The following AP4B1 variants were observed in gnomAD, a reference collection of about 807,000 sequenced individuals.
The protein encoded by AP4B1 is AP-4 complex subunit beta-1.
AP4B1 carries 49 observed loss-of-function variants against 76.5 expected under a neutral mutation model. The observed-to-expected ratio is 0.64, with a 90% CI of 0.51 to 0.81. AP4B1 has a LOEUF of 0.81. AP4B1 is among the 40% of genes least tolerant of loss of function. The pLI is 0.00. For synonymous variants in AP4B1, 330 were observed against 333.3 expected, an observed-to-expected ratio of 0.99 and a Z score of 0.11; for missense variants, 911 against 904.9, an observed-to-expected ratio of 1.01 and a Z score of -0.09.
At position 113,902,759 on chromosome 1, in the gene AP4B1, A is replaced by T. The variant is rs552888524; in HGVS notation, c.217T>A (p.Cys73Ser). 150 of 1,614,230 alleles carry T rather than the reference A, an allele frequency of 9.3e-5. No homozygotes were observed. In the Admixed American group the frequency reaches 2.4e-3, roughly 26 times the overall value. Residue 73 changes from cysteine to serine, a missense_variant, in exon 2 of 10, where the codon TGC becomes AGC. Transcript: ENST00000369569. ...TCTGGTTTCAGGGGAGCATATGTGC[A>T]CATGTACAGATAAACCAACTTCTTC... ...VQKKLVYLYM[C>S]TYAPLKPDLA...
At chr1:113,901,727 T>C (rs762479282) in intron 3 of AP4B1, 28 bp downstream of exon 3, 8 of 1,614,054 alleles carry the variant, frequency 5.0e-6, no homozygotes, top group Middle Eastern at 1.7e-4. Context: ...GGAGGCACAT[T>C]GACCATGATG....
Position 113,897,527 on chromosome 1 carries a change from G to C in AP4B1, c.1302+313C>G, listed in dbSNP as rs942049492. ...GAGAATCACTTGAGTTTGGGAGGTAGAGGTTGCAGTGGGCCGAGATCACGC... is the reference window on the plus strand; with the variant it reads ...GAGAATCACTTGAGTTTGGGAGGTACAGGTTGCAGTGGGCCGAGATCACGC... On this transcript the variant is annotated intron_variant, in intron 7 of 9. Transcript: ENST00000369569. 21 of 387,446 alleles carry C rather than the reference G, an allele frequency of 5.4e-5. No homozygotes were observed. The Admixed American group carries it at 7.8e-4, about 14-fold the overall frequency. The allele number at this position is 387,446 out of a possible 1,614,324, so 24.0% of individuals were successfully genotyped here. A position where few individuals can be genotyped will look rare whatever the true frequency, so the allele number is the denominator to read the frequency against.
intron 7 of AP4B1, chr1:113,897,464 C>A: frequency 3.1e-6 from 1 of 321,654 alleles, no homozygotes; most frequent in Admixed American, 4.4e-5. Context: ...TGGTGCACAC[C>A]TGTAATCACA....
chr1:113,904,360 TA>T (rs1377378289), intron 1 of AP4B1, among the ~76,000 whole-genome samples: 8 of 152,206 alleles, frequency 5.3e-5, no homozygotes. Flanking sequence ...CTGTACTAGC[TA>T]TATTATAGAT....
intron 1 of AP4B1, 26 bp downstream of exon 1, chr1:113,904,579 A>C: frequency 6.2e-7 from 1 of 1,607,658 alleles, no homozygotes; most frequent in South Asian, 1.1e-5. Context: ...GGGAGCAGTT[A>C]GCACGCGAAG....
chr1:113,895,713 T>C, intron 9 of AP4B1, 44 bp downstream of exon 9: 1 of 1,611,962 alleles, frequency 6.2e-7, no homozygotes. Flanking sequence ...ATTGAAAAGG[T>C]AAAGATTTAT....
At chr1:113,898,111 A>C in intron 6 of AP4B1, 168 bp from the exon 7 acceptor site, 3 of 1,252,428 alleles carry the variant, frequency 2.4e-6, no homozygotes, top group Non-Finnish European at 3.3e-6. Flanking sequence ...ATAAGCAATA[A>C]TTTCTTGAAT....
Position 113,904,798 on chromosome 1 carries a change from G to C in AP4B1, c.-81C>G. 1 of 1,204,398 alleles carries C rather than the reference G, an allele frequency of 8.3e-7. No homozygotes were observed. Among genetic ancestry groups the C allele is most frequent in the Non-Finnish European group, 1.2e-6 (1 of 809,850 alleles). The allele number at this position is 1,204,398 out of a possible 1,614,324, so 74.6% of individuals were successfully genotyped here. On this transcript the variant is annotated 5_prime_UTR_variant, in exon 1 of 10. Transcript: ENST00000369569. ...TTCTCGTCCTGATGTGGGAGCCTGA[G>C]TAAAGGAAATATGAGTCAGTGAAAA...
At chr1:113,900,610 A>G in intron 4 of AP4B1, 1 of 616,758 alleles carries the variant, frequency 1.6e-6, no homozygotes, top group South Asian at 2.0e-5. Flanking sequence ...ATACAAATGC[A>G]CACTCCTCTA....
chr1:113,902,548 G>T, intron 2 of AP4B1, 90 bp downstream of exon 2: 1 of 1,315,376 alleles, frequency 7.6e-7, no homozygotes, highest in Non-Finnish European at 1.1e-6. Context: ...GTATTAAGGA[G>T]CTCAAATAAA....
rs879255396 is a variant in AP4B1 at position 113,902,864 on chromosome 1, T to C, written c.114-2A>G. ...ATGTCCAAGCCTTGAGTCATGTACC[T>C]GAACAACGCACATGACAGAAGGAAG... On this transcript the variant is annotated splice_acceptor_variant, in intron 1 of 9. Transcript: ENST00000369569. LOFTEE classifies it high-confidence loss of function. 6 of 1,613,694 alleles carry C rather than the reference T, an allele frequency of 3.7e-6. No individual in the cohort carries two copies. The highest frequency in any genetic ancestry group is 4.2e-6 in the Non-Finnish European group (5 of 1,179,776).
At chr1:113,897,009 G>T (rs1412217667) in intron 7 of AP4B1, 1 of 161,874 alleles carries the variant, frequency 6.2e-6, no homozygotes, top group African/African-American at 2.4e-5. Flanking sequence ...CAGGCGTGGT[G>T]GTGCACACCT....
intron 5 of AP4B1, 35 bp downstream of exon 5, chr1:113,899,869 T>G (rs1325155664): frequency 6.2e-7 from 1 of 1,614,012 alleles, no homozygotes; most frequent in Non-Finnish European, 8.5e-7. Flanking sequence ...CTGGCTGGTC[T>G]AGGTTCTCAA....
Position 113,896,457 on chromosome 1 carries a change from T to C in AP4B1, c.1311A>G (p.Gln437=). Residue 437 remains glutamine (Q), a synonymous_variant, in exon 8 of 10, where the codon CAA becomes CAG. Coordinates refer to ENST00000369569, the MANE Select transcript of AP4B1 (RefSeq NM_001253852.3). ...GGACACCAAGTAGCCAAATAAGTGC[T>C]TGCTTCCCCTAGAGAATAAAGGAAT... is the stretch of plus-strand genomic sequence containing the variant. The part of the protein sequence containing the change: ...EENIQDSEGK[Q]ALIWLLGVHG... 6.2e-7 allele frequency: 1 copy of C among 1,614,180 alleles called. No homozygotes were observed. Among genetic ancestry groups the C allele is most frequent in the Non-Finnish European group, 8.5e-7 (1 of 1,180,010 alleles).
At chr1:113,898,543 A>C (rs1442335012) in intron 6 of AP4B1, among the ~76,000 whole-genome samples, 175 bp downstream of exon 6, 1 of 152,182 alleles carries the variant, frequency 6.6e-6, no homozygotes, top group Non-Finnish European at 1.5e-5. Context: ...CAGCCTGAAG[A>C]CTCAATATCC....
At position 113,898,171 on chromosome 1, in the gene AP4B1, A is replaced by T. The variant is rs151146380; in HGVS notation, c.1199-228T>A. On this transcript the variant is annotated intron_variant, in intron 6 of 9. Coordinates refer to ENST00000369569, the MANE Select transcript of AP4B1 (RefSeq NM_001253852.3). ...ATGAGGATAAATGAACTAATGTATG[A>T]AAAAGCACTTTGTAAAACATAAAGC... is the stretch of plus-strand genomic sequence containing the variant. 561 of 341,542 alleles carry T rather than the reference A, an allele frequency of 1.6e-3. 1 individual carries two copies. Among genetic ancestry groups the T allele is most frequent in the Non-Finnish European group, 2.1e-3 (516 of 241,548 alleles). The allele number at this position is 341,542 out of a possible 1,614,324, so 21.2% of individuals were successfully genotyped here. A position where few individuals can be genotyped will look rare whatever the true frequency, so the allele number is the denominator to read the frequency against.
chr1:113,898,661 T>C (rs1034255396), intron 6 of AP4B1, 57 bp downstream of exon 6: 95 of 1,299,882 alleles, frequency 7.3e-5, no homozygotes, highest in South Asian at 5.1e-4. Flanking sequence ...TTTGAGCAAC[T>C]ACTATAGGCC....
rs776717361 is a variant in AP4B1 at position 113,904,734 on chromosome 1, G to A, written c.-17C>T. The A allele has an allele frequency of 5.5e-5, 88 of 1,608,124 alleles. No individual in the cohort carries two copies. Among genetic ancestry groups the A allele is most frequent in the Non-Finnish European group, 6.7e-5 (79 of 1,176,420 alleles). On this transcript the variant is annotated 5_prime_UTR_variant, in exon 1 of 10. Coordinates refer to ENST00000369569, the MANE Select transcript of AP4B1 (RefSeq NM_001253852.3). ...GTACGGCATCTTCCTAAGAGTCACA[G>A]GGCAGCTCCCACAGCTCCCACGGTA... is the stretch of plus-strand genomic sequence containing the variant.
At position 113,895,209 on chromosome 1, in the gene AP4B1, C is replaced by T. The variant is rs374752996; in HGVS notation, c.2076G>A (p.Leu692=). 6.2e-7 allele frequency: 1 copy of T among 1,614,066 alleles called. No homozygotes were observed. The highest frequency in any genetic ancestry group is 1.3e-5 in the African/African-American group (1 of 74,912). The change falls in exon 10 of 10, where the codon CTG becomes CTA. Residue 692 remains leucine (L), a synonymous_variant. Coordinates refer to ENST00000369569, the MANE Select transcript of AP4B1 (RefSeq NM_001253852.3). ...GCTCCAATAGCAGTTCTGTTAAGAA[C>T]AGACAGCCAGTATCATCCTGAGCAC... ...YLSAQDDTGC[L]FLTELLLEPG...
Sources: allele counts gnomAD v4.1 joint callset (sites outside exome capture counted in the v4.1 genomes callset), GRCh38; gene constraint gnomAD v4.1.1; transcripts MANE v1.5; gene names NCBI Gene and HGNC (gene_info 2026-07-23, HGNC 2026-07-21).